Variants in DIXDC1 observed in about 807,000 individuals in gnomAD.
DIXDC1 encodes dixin.
Under a neutral mutation model 103.1 loss-of-function variants are expected in DIXDC1, and 64 were observed. The ratio of observed to expected loss-of-function variants is 0.62; its 90% CI spans 0.51 to 0.76. DIXDC1 has a LOEUF of 0.76. DIXDC1 is among the 30% of genes least tolerant of loss of function. The pLI is 0.00. For synonymous variants in DIXDC1, 266 were observed against 298.5 expected, an observed-to-expected ratio of 0.89 and a Z score of 1.12; for missense variants, 759 against 834.2, an observed-to-expected ratio of 0.91 and a Z score of 1.11.
intron 1 of DIXDC1, among the ~76,000 whole-genome samples, chr11:111,956,156 A>G (rs1364159804): frequency 1.3e-5 from 2 of 152,192 alleles, no homozygotes; most frequent in Non-Finnish European, 2.9e-5. Flanking sequence ...TTCCACTTAT[A>G]TGAAGTATCT....
intron 2 of DIXDC1, among the ~76,000 whole-genome samples, chr11:111,967,118 A>G (rs1555171637): frequency 2.0e-5 from 3 of 150,812 alleles, no homozygotes; most frequent in Admixed American, 6.6e-5. Context: ...CTGCAGGTTC[A>G]GCCCTCTTAT....
In DIXDC1 at chr11:112,019,087, T is replaced by G. The variant is rs185971513; in HGVS notation, c.*51T>G. On this transcript the variant is annotated 3_prime_UTR_variant, in exon 20 of 20. Transcript: ENST00000440460. ...TGGAACCTGGTCACTCCCTGGCTGC[T>G]TCACTCAGGAAAGGGAACTAAAACC... 3.8e-5 allele frequency: 57 copies of G among 1,513,700 alleles called. No individual in the cohort carries two copies. The highest frequency in any genetic ancestry group is 5.0e-5 in the Non-Finnish European group (55 of 1,097,224). 93.8% of individuals were successfully genotyped at this position (1,513,700 alleles called of 1,614,324 possible). A position where few individuals can be genotyped will look rare whatever the true frequency, so the allele number is the denominator to read the frequency against.
chr11:111,995,084 A>G lies in DIXDC1; in HGVS notation c.1503A>G (p.Gly501=). Residue 501 remains glycine, a synonymous_variant, in exon 15 of 20, where the codon GGA becomes GGG. Transcript: ENST00000440460. ...NGFLLPTAGK[G]ATSVSNRGTS... The stretch of plus-strand genomic sequence containing the variant: ...TTCTCCTTCCAACGGCAGGAAAAGG[A>G]GCTACTTCAGTCAGCAACAGAGGGG... 2 of 1,613,724 alleles carry G rather than the reference A, an allele frequency of 1.2e-6. No homozygotes were observed. The highest frequency in any genetic ancestry group is 1.7e-6 in the Non-Finnish European group (2 of 1,179,886).
chr11:112,008,201 A>G (rs1861302899), intron 17 of DIXDC1, among the ~76,000 whole-genome samples: 1 of 152,170 alleles, frequency 6.6e-6, no homozygotes, highest in Non-Finnish European at 1.5e-5. Context: ...TAAACCAACA[A>G]AGATCAAAAG....
At chr11:111,999,107 C>G (rs980937295) in intron 17 of DIXDC1, among the ~76,000 whole-genome samples, 1 of 152,184 alleles carries the variant, frequency 6.6e-6, no homozygotes, top group Non-Finnish European at 1.5e-5. Context: ...TAGAAATCAT[C>G]TAGTGTACTG....
intron 17 of DIXDC1, among the ~76,000 whole-genome samples, chr11:111,997,823 A>G (rs1325746578): frequency 6.6e-6 from 1 of 152,226 alleles, no homozygotes; most frequent in African/African-American, 2.4e-5. Flanking sequence ...TGTTAATCTA[A>G]TGCTTCCAGT....
chr11:111,988,136 C>T (rs1371387711), intron 9 of DIXDC1, among the ~76,000 whole-genome samples: 1 of 152,082 alleles, frequency 6.6e-6, no homozygotes, highest in Non-Finnish European at 1.5e-5. Flanking sequence ...GTAGCTGGGG[C>T]TTCAGGAACA....
rs587599093 is a variant in DIXDC1, at chr11:111,998,212, A to G, written c.1756+2066A>G. On this transcript the variant is annotated intron_variant, in intron 17 of 19. Transcript: ENST00000440460. The surrounding 1 kb of genome is among the most constrained non-coding windows in gnomAD (Gnocchi z 4.1). ...TGTCATTCAGATATTCATTTAACAT[A>G]TTTACTAAGCATCCATTATTCACCA... is the stretch of plus-strand genomic sequence containing the variant. Among the ~76,000 whole-genome samples the G allele has an allele frequency of 5.9e-4, 90 of 152,336 alleles. No individual in the cohort carries two copies. The highest frequency in any genetic ancestry group is 2.1e-3 in the African/African-American group (88 of 41,566).
chr11:112,001,976 C>T (rs587718756), intron 17 of DIXDC1, among the ~76,000 whole-genome samples: 149 of 152,064 alleles, frequency 9.8e-4, no homozygotes, highest in Non-Finnish European at 1.6e-3. Context: ...AGACTGGTCT[C>T]GAACTCCTGA....
chr11:111,987,326 G>A (rs1222263484), intron 9 of DIXDC1, among the ~76,000 whole-genome samples: 1 of 151,840 alleles, frequency 6.6e-6, no homozygotes, highest in African/African-American at 2.4e-5. Flanking sequence ...AATCTTTCCT[G>A]TATCTGTATT....
intron 16 of DIXDC1, among the ~76,000 whole-genome samples, 191 bp from the exon 17 acceptor site, chr11:111,995,889 G>A (rs2137589659): frequency 6.6e-6 from 1 of 152,194 alleles, no homozygotes; most frequent in South Asian, 2.1e-4. Flanking sequence ...AAAATATACG[G>A]AAAATGCACT....
intron 1 of DIXDC1, among the ~76,000 whole-genome samples, chr11:111,960,698 C>T (rs1391147178): frequency 6.6e-6 from 1 of 151,940 alleles, no homozygotes; most frequent in Non-Finnish European, 1.5e-5. Context: ...TTACTAGGAG[C>T]ACTTGAGGAA....
At chr11:112,015,369 G>T (rs1253534724) in intron 17 of DIXDC1, 1 of 152,232 alleles carries the variant, frequency 6.6e-6, no homozygotes, top group African/African-American at 2.4e-5. Flanking sequence ...TTAAGAGGAA[G>T]ATCAGTACAG....
intron 17 of DIXDC1, among the ~76,000 whole-genome samples, chr11:112,009,135 A>C (rs1861332465): frequency 6.6e-6 from 1 of 152,232 alleles, no homozygotes; most frequent in Non-Finnish European, 1.5e-5. Context: ...ATTACCACCG[A>C]TCCCACAGAA....
In DIXDC1 at chr11:111,985,260, A is replaced by T. The variant is rs781939758; in HGVS notation, c.947A>T (p.Glu316Val). 2 of 1,613,778 alleles carry T rather than the reference A, an allele frequency of 1.2e-6. No individual in the cohort carries two copies. The highest frequency in any genetic ancestry group is 2.7e-5 in the African/African-American group (2 of 75,048). ...TTACTGCTCAATGGATCCTTACCTGAAGATGAACAGGAGAGGCCCTTGGCC... is the reference window on the plus strand; with the variant it reads ...TTACTGCTCAATGGATCCTTACCTGTAGATGAACAGGAGAGGCCCTTGGCC... The part of the protein sequence containing the change: ...QALLLNGSLP[E>V]DEQERPLALC... Residue 316 changes from glutamate (E) to valine (V), a missense_variant, in exon 8 of 20, where the codon GAA becomes GTA. Glu to Val is a moderately radical substitution (Grantham distance 121, BLOSUM62 -2). Coordinates refer to ENST00000440460, the MANE Select transcript of DIXDC1 (RefSeq NM_001037954.4).
chr11:111,951,945 G>A (rs1010075332), intron 1 of DIXDC1, among the ~76,000 whole-genome samples: 67 of 150,832 alleles, frequency 4.4e-4, no homozygotes, highest in Non-Finnish European at 7.5e-4. Flanking sequence ...GGCTTGCTGC[G>A]ATTTCCACCT....
At chr11:111,971,753 T>TCTATATCTATAC (rs1555172088) in intron 3 of DIXDC1, among the ~76,000 whole-genome samples, 35 of 151,770 alleles carry the variant, frequency 2.3e-4, no homozygotes, top group African/African-American at 8.0e-4. Context: ...TATATCTATA[T>TCTATATCTATAC]CTATATCTAT....
At chr11:111,969,071 GC>G (rs1387663477) in intron 3 of DIXDC1, among the ~76,000 whole-genome samples, 6 of 151,704 alleles carry the variant, frequency 4.0e-5, no homozygotes, top group African/African-American at 1.5e-4. Context: ...GAGCCATTGT[GC>G]CCGGGCATTC....
chr11:111,958,962 C>G lies in DIXDC1; in HGVS notation c.61-5587C>G, dbSNP rs1271258408. 6.6e-6 allele frequency among the ~76,000 whole-genome samples: 1 copy of G among 152,166 alleles called. No individual in the cohort carries two copies. The highest frequency in any genetic ancestry group is 1.5e-5 in the Non-Finnish European group (1 of 68,006). On this transcript the variant is annotated intron_variant, in intron 1 of 19. Coordinates refer to ENST00000440460, the MANE Select transcript of DIXDC1 (RefSeq NM_001037954.4). This position sits in a 1 kb window ranked among gnomAD's most constrained non-coding sequence, Gnocchi z 4.2. ...GGAGAAGAGCTACCCACTCCAGGGTCTTCACTCTGCTGAGAGCTGAACACT... is the reference window on the plus strand; with the variant it reads ...GGAGAAGAGCTACCCACTCCAGGGTGTTCACTCTGCTGAGAGCTGAACACT...
Sources: gnomAD v4.1 joint callset for allele counts (sites outside exome capture counted in the v4.1 genomes callset) on GRCh38, gnomAD v4.1.1 for gene constraint, Gnocchi (gnomAD v3.1) non-coding constraint, MANE v1.5 for transcripts, NCBI Gene and HGNC (gene_info 2026-07-23, HGNC 2026-07-21) for gene names.